The following MAGT1 variants were observed in gnomAD, a reference collection of about 807,000 sequenced individuals.
The protein encoded by MAGT1 is magnesium transporter 1.
A neutral mutation model predicts 28.4 loss-of-function variants in MAGT1; 4 were observed. The observed-to-expected ratio is 0.14, with a 90% CI of 0.07 to 0.32. The LOEUF (loss-of-function observed/expected upper bound fraction) is 0.32, where lower values mean the gene tolerates loss of function less well. MAGT1 is among the 10% of genes least tolerant of loss of function. The pLI, the probability that MAGT1 is intolerant of heterozygous loss-of-function variation, is 1.00. For missense variants in MAGT1, 193 were observed against 264.5 expected (o/e 0.73, Z 1.88); for synonymous variants, 89 against 89.7 (o/e 0.99, Z 0.04).
At position 77,826,304 on chromosome X, in the gene MAGT1, A is replaced by G. The variant is rs2076882745; in HGVS notation, c.*2916T>C. On this transcript the variant is annotated 3_prime_UTR_variant, in exon 10 of 10. Transcript: ENST00000618282. ...CTTCAAAATGTAAAATCCTAATTTT[A>G]CAATTCTAGTTTAGTGTTTAAAACT... is the stretch of plus-strand genomic sequence containing the variant. 1 of 112,449 alleles carries G rather than the reference A, an allele frequency of 8.9e-6. No homozygotes were observed. Among genetic ancestry groups the G allele is most frequent in the African/African-American group, 3.2e-5 (1 of 31,022 alleles). The allele number at this position is 112,449 out of a possible 1,213,427, so 9.3% of individuals were successfully genotyped here.
intron 9 of MAGT1, 22 bp from the exon 10 acceptor site, chrX:77,829,257 A>G (rs2076891421): frequency 2.6e-6 from 3 of 1,160,497 alleles, no homozygotes; most frequent in Non-Finnish European, 3.5e-6. Context: ...ATATATTCCA[A>G]TCTATTAGTC....
At chrX:77,834,249 T>A (rs1047886672) in intron 8 of MAGT1, among the ~76,000 whole-genome samples, 3 of 61,716 alleles carry the variant, frequency 4.9e-5, no homozygotes, top group Non-Finnish European at 8.1e-5. Flanking sequence ...TATATGCATA[T>A]ATATACATGT....
Position 77,895,429 on chromosome X carries a change from T to C in MAGT1, c.-19A>G. The C allele has an allele frequency of 1.7e-6, 2 of 1,209,157 alleles. No homozygotes were observed. The highest frequency in any genetic ancestry group is 2.2e-6 in the Non-Finnish European group (2 of 893,832). On this transcript the variant is annotated 5_prime_UTR_variant, in exon 1 of 10. The change creates a new upstream start codon in the 5' untranslated region. Transcript: ENST00000618282. The stretch of plus-strand genomic sequence containing the variant: ...CTGCCATGTTCGCTCCTCTCCCTTC[T>C]ATAAGTGAAACTTTGCTCCGGCTAG...
intron 3 of MAGT1, among the ~76,000 whole-genome samples, chrX:77,861,002 C>A (rs1840269918): frequency 9.2e-6 from 1 of 109,097 alleles, no homozygotes; most frequent in African/African-American, 3.3e-5. Flanking sequence ...ATGGAGAAAC[C>A]CCGCCCCTAC....
chrX:77,831,721 T>A (rs782420489), intron 8 of MAGT1, among the ~76,000 whole-genome samples: 2 of 109,168 alleles, frequency 1.8e-5, no homozygotes, highest in Non-Finnish European at 3.8e-5. Context: ...GCCTCTTGAG[T>A]AGCTGGGACT....
At chrX:77,845,927 C>G (rs1557214857) in intron 7 of MAGT1, among the ~76,000 whole-genome samples, 1 of 110,982 alleles carries the variant, frequency 9.0e-6, no homozygotes, top group Non-Finnish European at 1.9e-5. Flanking sequence ...AGTTGCTCTT[C>G]TCGAGGAATA....
intron 8 of MAGT1, among the ~76,000 whole-genome samples, chrX:77,833,911 T>C (rs76673056): frequency 9.0e-6 from 1 of 110,513 alleles, no homozygotes; most frequent in African/African-American, 3.3e-5. Context: ...CAAAACAGCA[T>C]AGTACTGGTG....
rs1326176261 is a variant in MAGT1 at position 77,885,974 on chromosome X, C to T, written c.102+9335G>A. On this transcript the variant is annotated intron_variant, in intron 1 of 9. Transcript: ENST00000618282. ...AAACTTGGGTGACAGAGCGAGACTCCGTCTCTAAAATAAAATAAAAAAATC... is the reference window on the plus strand; with the variant it reads ...AAACTTGGGTGACAGAGCGAGACTCTGTCTCTAAAATAAAATAAAAAAATC... Among the ~76,000 whole-genome samples the T allele has an allele frequency of 3.6e-5, 4 of 110,549 alleles. No homozygotes were observed. In the Admixed American group the frequency reaches 3.9e-4, roughly 11 times the overall value.
intron 1 of MAGT1, among the ~76,000 whole-genome samples, chrX:77,886,104 C>T (rs185945474): frequency 2.6e-3 from 292 of 111,701 alleles, no homozygotes; most frequent in Non-Finnish European, 4.7e-3. Flanking sequence ...ATTACAGGCT[C>T]AAACCACTAT....
chrX:77,835,057 G>A (rs1217982293), intron 8 of MAGT1, among the ~76,000 whole-genome samples: 3 of 106,439 alleles, frequency 2.8e-5, no homozygotes, highest in South Asian at 4.2e-4. Context: ...CCGGGTTCAC[G>A]CCATTCTCCT....
intron 7 of MAGT1, among the ~76,000 whole-genome samples, chrX:77,850,053 C>T (rs1260514177): frequency 8.9e-6 from 1 of 111,735 alleles, no homozygotes; most frequent in Non-Finnish European, 1.9e-5. Context: ...GTACATTAAA[C>T]TAATAATAAA....
Position 77,857,426 on chromosome X carries a change from A to G in MAGT1, c.462T>C (p.Tyr154=), listed in dbSNP as rs2076984121. The G allele has an allele frequency of 8.3e-7, 1 of 1,211,844 alleles. No homozygotes were observed. The highest frequency in any genetic ancestry group is 1.7e-5 in the African/African-American group (1 of 57,888). Residue 154 remains tyrosine, a synonymous_variant, in exon 4 of 10, where the codon TAT becomes TAC. Transcript: ENST00000618282. ...AKGKPKRGDT[Y]ELQVRGFSAE... ...CTGAAAAACCCCGCACCTGTAACTC[A>G]TATGTATCACCCCGTTTGGGTTTCC...
intron 7 of MAGT1, among the ~76,000 whole-genome samples, chrX:77,844,693 T>C (rs1454454456): frequency 3.6e-5 from 4 of 111,835 alleles, no homozygotes; most frequent in Non-Finnish European, 5.6e-5. Flanking sequence ...GCCTTCATTT[T>C]GTTATGTACC....
intron 3 of MAGT1, among the ~76,000 whole-genome samples, chrX:77,860,502 C>G (rs1221511236): frequency 9.0e-6 from 1 of 111,618 alleles, no homozygotes; most frequent in South Asian, 3.8e-4. Flanking sequence ...TCAGAATAGT[C>G]TGGGCATGGT....
At chrX:77,839,064 G>C (rs1242352294) in intron 8 of MAGT1, among the ~76,000 whole-genome samples, 1 of 109,606 alleles carries the variant, frequency 9.1e-6, no homozygotes, top group Non-Finnish European at 1.9e-5. Context: ...AGCACTTTGG[G>C]AGGCCGAGGC....
At chrX:77,865,573 G>A (rs1402386705) in intron 3 of MAGT1, among the ~76,000 whole-genome samples, 1 of 110,769 alleles carries the variant, frequency 9.0e-6, no homozygotes, top group Non-Finnish European at 1.9e-5. Context: ...GATTACAGGC[G>A]TGAGCCAACC....
chrX:77,890,347 T>C (rs2077078922), intron 1 of MAGT1, among the ~76,000 whole-genome samples: 1 of 112,278 alleles, frequency 8.9e-6, no homozygotes, highest in African/African-American at 3.2e-5. Flanking sequence ...AGATAATTAC[T>C]GAAGAAGACA....
rs1387892118 is a variant in MAGT1, at chrX:77,883,086, GTAT to G, written c.103-7492_103-7490del. ...TAATAATATAATATAATTATAATAT[GTAT>G]TATATTAATATAATAACATAATTAT... On this transcript the variant is annotated intron_variant, in intron 1 of 9. Transcript: ENST00000618282. Among the ~76,000 whole-genome samples, 7 of 98,346 alleles carry G rather than the reference GTAT, an allele frequency of 7.1e-5. No homozygotes were observed. In the East Asian group the frequency reaches 1.8e-3, roughly 25 times the overall value. 85.4% of individuals were successfully genotyped at this position (98,346 alleles called of 115,157 possible). A position where few individuals can be genotyped will look rare whatever the true frequency, so the allele number is the denominator to read the frequency against.
intron 1 of MAGT1, among the ~76,000 whole-genome samples, chrX:77,883,553 CTTT>C (rs1166624171): frequency 3.2e-5 from 2 of 61,707 alleles, no homozygotes; most frequent in Admixed American, 1.9e-4. Flanking sequence ...AATTCATTTT[CTTT>C]TTTTTTTTTT....
Sources: gnomAD v4.1 joint callset for allele counts (sites outside exome capture counted in the v4.1 genomes callset) on GRCh38, gnomAD v4.1.1 for gene constraint, MANE v1.5 for transcripts, NCBI Gene and HGNC (gene_info 2026-07-23, HGNC 2026-07-21) for gene names.